The following PLPPR1 variants were observed in gnomAD, a reference collection of about 807,000 sequenced individuals.
The protein encoded by PLPPR1 is phospholipid phosphatase-related protein type 1.
A neutral mutation model predicts 33.1 loss-of-function variants in PLPPR1; 10 were observed. The ratio of observed to expected loss-of-function variants is 0.30; its 90% confidence interval spans 0.19 to 0.51. The LOEUF (loss-of-function observed/expected upper bound fraction) is 0.51. Ranked by LOEUF, PLPPR1 falls within the 20% of genes least tolerant of loss-of-function variation. The pLI, the probability that PLPPR1 is intolerant of heterozygous loss-of-function variation, is 0.97. For missense variants in PLPPR1, 304 were observed against 408.1 expected, an observed-to-expected ratio of 0.74 and a Z score of 2.20; for synonymous variants, 151 against 151.0, an observed-to-expected ratio of 1.00 and a Z score of 0.00.
At chr9:101,130,843 C>T (rs185378455) in intron 1 of PLPPR1, among the ~76,000 whole-genome samples, 4 of 152,098 alleles carry the variant, frequency 2.6e-5, no homozygotes, top group South Asian at 2.1e-4. Flanking sequence ...ATAAACTGGT[C>T]GAGAAGTACT....
chr9:101,295,288 A>G (rs1025609817), intron 4 of PLPPR1, among the ~76,000 whole-genome samples: 9 of 151,984 alleles, frequency 5.9e-5, no homozygotes, highest in African/African-American at 1.9e-4. Context: ...ACCGCTGCTC[A>G]AGGAAATAAA....
At chr9:101,296,403 G>A (rs1292516644) in intron 4 of PLPPR1, among the ~76,000 whole-genome samples, 2 of 151,428 alleles carry the variant, frequency 1.3e-5, no homozygotes, top group Admixed American at 1.3e-4. Flanking sequence ...ATTCCTCAGG[G>A]ATCTAGTACT....
At chr9:101,264,395 C>A (rs77369033) in intron 2 of PLPPR1, among the ~76,000 whole-genome samples, 10,295 of 152,158 alleles carry the variant, frequency 0.068, 1,123 homozygotes, top group African/African-American at 0.23. Context: ...CTTCCCCATG[C>A]ATCCTCTTCT....
chr9:101,058,169 G>GT (rs1441988196), intron 1 of PLPPR1, among the ~76,000 whole-genome samples: 1 of 152,080 alleles, frequency 6.6e-6, no homozygotes, highest in Non-Finnish European at 1.5e-5. Context: ...AGAGGGGGCG[G>GT]TATCAGCAGC....
intron 2 of PLPPR1, among the ~76,000 whole-genome samples, chr9:101,200,970 A>G (rs1449579714): frequency 1.3e-5 from 2 of 152,204 alleles, no homozygotes; most frequent in Admixed American, 6.5e-5. Flanking sequence ...AGTAAATCAT[A>G]AAAAACAGAA....
At chr9:101,189,595 T>C (rs1328488196) in intron 2 of PLPPR1, among the ~76,000 whole-genome samples, 1 of 152,154 alleles carries the variant, frequency 6.6e-6, no homozygotes, top group Non-Finnish European at 1.5e-5. Context: ...AGTGTGAATT[T>C]ATACTAGCTA....
chr9:101,085,562 C>T (rs1308266914), intron 1 of PLPPR1, among the ~76,000 whole-genome samples: 2 of 151,712 alleles, frequency 1.3e-5, no homozygotes, highest in East Asian at 3.9e-4. Flanking sequence ...TTGGGGCCAA[C>T]ATTAAAAGAC....
At position 101,193,390 on chromosome 9, in the gene PLPPR1, G is replaced by A. The variant is rs567856708; in HGVS notation, c.63+7833G>A. 2.0e-5 allele frequency among the ~76,000 whole-genome samples: 3 copies of A among 152,160 alleles called. No homozygotes were observed. In the South Asian group the frequency reaches 6.2e-4, roughly 32 times the overall value. On this transcript the variant is annotated intron_variant, in intron 2 of 7. Coordinates refer to ENST00000374874, the MANE Select transcript of PLPPR1 (RefSeq NM_207299.2). ...AAGACCCAATCTGACTCTGGGAGTG[G>A]GGCGGGAAATACAAATCTCATAAGT...
At chr9:101,068,787 A>G (rs888851995) in intron 1 of PLPPR1, among the ~76,000 whole-genome samples, 1 of 152,134 alleles carries the variant, frequency 6.6e-6, no homozygotes, top group African/African-American at 2.4e-5. Context: ...AATCAAAACT[A>G]TAATCCACTG....
At chr9:101,098,653 C>G (rs895826951) in intron 1 of PLPPR1, among the ~76,000 whole-genome samples, 3 of 152,072 alleles carry the variant, frequency 2.0e-5, no homozygotes, top group Admixed American at 1.3e-4. Context: ...CAAGATGCAG[C>G]AGCAAGTGGC....
intron 2 of PLPPR1, among the ~76,000 whole-genome samples, chr9:101,254,214 A>T (rs1827760546): frequency 6.6e-6 from 1 of 151,956 alleles, no homozygotes; most frequent in Non-Finnish European, 1.5e-5. Context: ...ACAACTCACC[A>T]TACGTAGAAT....
At chr9:101,129,961 T>C (rs1831295042) in intron 1 of PLPPR1, among the ~76,000 whole-genome samples, 1 of 152,120 alleles carries the variant, frequency 6.6e-6, no homozygotes, top group South Asian at 2.1e-4. Context: ...TACGTAAAAT[T>C]CTAGGAAGTG....
chr9:101,234,959 A>G (rs2118829284), intron 2 of PLPPR1, among the ~76,000 whole-genome samples: 1 of 152,098 alleles, frequency 6.6e-6, no homozygotes, highest in African/African-American at 2.4e-5. Flanking sequence ...TAAAACTAAC[A>G]TATTCTTGAG....
At chr9:101,311,184 G>C (rs1363188220) in intron 5 of PLPPR1, among the ~76,000 whole-genome samples, 1 of 152,012 alleles carries the variant, frequency 6.6e-6, no homozygotes, top group African/African-American at 2.4e-5. Context: ...ATAAACTACT[G>C]TCTCAACAAA....
At chr9:101,095,899 T>C (rs866807617) in intron 1 of PLPPR1, among the ~76,000 whole-genome samples, 1 of 152,150 alleles carries the variant, frequency 6.6e-6, no homozygotes, top group African/African-American at 2.4e-5. Context: ...TTCTTATTGA[T>C]TGTGGTTAAA....
At chr9:101,304,604 T>C (rs544434252) in intron 4 of PLPPR1, among the ~76,000 whole-genome samples, 57 of 152,328 alleles carry the variant, frequency 3.7e-4, no homozygotes, top group African/African-American at 1.3e-3. Context: ...CAACATCCGA[T>C]GTGATCTGTG....
intron 2 of PLPPR1, among the ~76,000 whole-genome samples, chr9:101,265,235 G>A (rs758497209): frequency 5.3e-5 from 8 of 152,266 alleles, no homozygotes; most frequent in Admixed American, 1.3e-4. Flanking sequence ...CTGAAGCCTC[G>A]TGGAATGATC....
At chr9:101,137,212 T>C (rs772707242) in intron 1 of PLPPR1, among the ~76,000 whole-genome samples, 2 of 152,192 alleles carry the variant, frequency 1.3e-5, no homozygotes, top group Non-Finnish European at 2.9e-5. Flanking sequence ...TGGTGTTCTT[T>C]GGCAGACTGA....
At chr9:101,313,064 T>C in intron 6 of PLPPR1, 90 bp downstream of exon 6, 1 of 1,114,026 alleles carries the variant, frequency 9.0e-7, no homozygotes, top group Non-Finnish European at 1.3e-6. Context: ...CCATCTGTGT[T>C]CCTTTCGTCC....
Sources: gnomAD v4.1 joint callset for allele counts (sites outside exome capture counted in the v4.1 genomes callset) on GRCh38, gnomAD v4.1.1 for gene constraint, MANE v1.5 for transcripts, NCBI Gene and HGNC (gene_info 2026-07-23, HGNC 2026-07-21) for gene names.